Variants in PHF24 observed in about 807,000 individuals in gnomAD.
PHF24 encodes PHD finger protein 24.
A neutral mutation model predicts 42.6 loss-of-function variants in PHF24; 25 were observed. The observed-to-expected ratio is 0.59, with a 90% CI of 0.43 to 0.82. The LOEUF (loss-of-function observed/expected upper bound fraction) is 0.82. Ranked by LOEUF, PHF24 falls within the 40% of genes least tolerant of loss-of-function variation. The pLI, the probability that PHF24 is intolerant of heterozygous loss-of-function variation, is 0.00. For missense variants in PHF24, 470 were observed against 538.1 expected, an observed-to-expected ratio of 0.87 and a Z score of 1.25; for synonymous variants, 185 against 204.8, an observed-to-expected ratio of 0.90 and a Z score of 0.83.
the PHF24 span, chr9:34,918,421 AAATC>A: frequency 1.9e-6 from 1 of 532,036 alleles, no homozygotes; most frequent in Admixed American, 3.2e-5. Flanking sequence ...AAAAAAAAAA[AAATC>A]ATGGGGAATT....
the PHF24 span, among the ~76,000 whole-genome samples, chr9:34,875,032 T>C: frequency 1.3e-5 from 2 of 152,200 alleles, no homozygotes; most frequent in Non-Finnish European, 2.9e-5. Context: ...GTCACCTTAT[T>C]GTGCTATCAA....
At chr9:34,974,284 C>T (rs542294032) in intron 3 of PHF24, among the ~76,000 whole-genome samples, 1 of 152,360 alleles carries the variant, frequency 6.6e-6, no homozygotes, top group Admixed American at 6.5e-5. Context: ...CTAAGGTCAC[C>T]AGTCACCTCC....
At chr9:34,730,186 T>A in the PHF24 span, among the ~76,000 whole-genome samples, 2 of 152,254 alleles carry the variant, frequency 1.3e-5, no homozygotes, top group African/African-American at 4.8e-5. Context: ...GTTGGATGTA[T>A]GCTGTTTGCC....
chr9:34,678,619 A>C, the PHF24 span, among the ~76,000 whole-genome samples: 1 of 151,202 alleles, frequency 6.6e-6, no homozygotes, highest in East Asian at 2.0e-4. Flanking sequence ...AAGAGCCACC[A>C]TGCCTGGCTC....
At chr9:34,875,606 T>G in the PHF24 span, among the ~76,000 whole-genome samples, 1 of 152,170 alleles carries the variant, frequency 6.6e-6, no homozygotes, top group East Asian at 1.9e-4. Flanking sequence ...TCACAGTCAC[T>G]ACATAGTCAC....
chr9:34,919,956 G>A, the PHF24 span, among the ~76,000 whole-genome samples: 1 of 152,078 alleles, frequency 6.6e-6, no homozygotes, highest in Admixed American at 6.6e-5. Flanking sequence ...TCATCTGTTG[G>A]TGGACACTTA....
the PHF24 span, among the ~76,000 whole-genome samples, chr9:34,789,647 T>A: frequency 6.6e-6 from 1 of 152,200 alleles, no homozygotes; most frequent in Non-Finnish European, 1.5e-5. Flanking sequence ...AGGAAAATGA[T>A]GACTCTGTTA....
the PHF24 span, among the ~76,000 whole-genome samples, chr9:34,758,039 C>G: frequency 1.3e-5 from 2 of 152,104 alleles, no homozygotes; most frequent in Non-Finnish European, 2.9e-5. The surrounding 1 kb of genome is among the most constrained non-coding windows in gnomAD (Gnocchi z 4.4). Context: ...GGGCAGCCCA[C>G]AGGGCTATTT....
the PHF24 span, among the ~76,000 whole-genome samples, chr9:34,679,243 A>G: frequency 1.3e-5 from 2 of 152,210 alleles, no homozygotes; most frequent in African/African-American, 4.8e-5. Context: ...GTCTGTGGCC[A>G]ATTACCATGC....
the PHF24 span, among the ~76,000 whole-genome samples, chr9:34,754,465 GAATGAAAATGAA>G: frequency 5.9e-5 from 9 of 152,022 alleles, no homozygotes; most frequent in East Asian, 3.8e-4. Context: ...AAACCTATCT[GAATGAAAATGAA>G]AATGAAAATG....
chr9:34,727,035 T>C, the PHF24 span: 2 of 1,520,588 alleles, frequency 1.3e-6, no homozygotes, highest in Non-Finnish European at 1.8e-6. Context: ...GACATCTGCC[T>C]TCTTGGAAGA....
upstream of PHF24, among the ~76,000 whole-genome samples, chr9:34,954,791 T>TA (rs1826332417): frequency 6.6e-6 from 1 of 152,132 alleles, no homozygotes; most frequent in South Asian, 2.1e-4. Context: ...CAAAAACTTA[T>TA]AAGGAAAAAA....
At chr9:34,720,618 A>C in the PHF24 span, among the ~76,000 whole-genome samples, 1 of 152,052 alleles carries the variant, frequency 6.6e-6, no homozygotes, top group East Asian at 1.9e-4. Flanking sequence ...CCATCTTCTC[A>C]GGGCAGCTTC....
the PHF24 span, among the ~76,000 whole-genome samples, chr9:34,804,737 C>A: frequency 6.6e-6 from 1 of 152,142 alleles, no homozygotes; most frequent in Non-Finnish European, 1.5e-5. Context: ...CTATAGCATG[C>A]ATACCAAATC....
chr9:34,781,541 A>T, the PHF24 span, among the ~76,000 whole-genome samples: 1 of 152,216 alleles, frequency 6.6e-6, no homozygotes. Context: ...GTTGTACAAC[A>T]TTGTGAATGT....
At chr9:34,701,119 C>T in the PHF24 span, among the ~76,000 whole-genome samples, 1,331 of 152,308 alleles carry the variant, frequency 8.7e-3, 12 homozygotes, top group Non-Finnish European at 0.013. The surrounding 1 kb of genome is among the most constrained non-coding windows in gnomAD (Gnocchi z 5.8). Context: ...GCGATCAACC[C>T]ATTCAGCCCA....
the PHF24 span, among the ~76,000 whole-genome samples, chr9:34,926,644 A>G: frequency 6.6e-6 from 1 of 152,068 alleles, no homozygotes; most frequent in African/African-American, 2.4e-5. The surrounding 1 kb of genome is among the most constrained non-coding windows in gnomAD (Gnocchi z 4.3). Flanking sequence ...GGCCTGAGAC[A>G]TGGGTGCACA....
chr9:34,907,822 G>GT, the PHF24 span, among the ~76,000 whole-genome samples: 42 of 151,060 alleles, frequency 2.8e-4, no homozygotes, highest in Non-Finnish European at 5.6e-4. Flanking sequence ...TTTGTTTTTT[G>GT]TTTTTTGTTT....
At chr9:34,963,669 C>T (rs995980330) in intron 1 of PHF24, among the ~76,000 whole-genome samples, 2 of 152,194 alleles carry the variant, frequency 1.3e-5, no homozygotes, top group African/African-American at 4.8e-5. Flanking sequence ...ATACTGGCTT[C>T]TCTTTTCTTA....
Sources: allele counts gnomAD v4.1 joint callset (sites outside exome capture counted in the v4.1 genomes callset), GRCh38; gene constraint gnomAD v4.1.1; non-coding constraint Gnocchi (gnomAD v3.1); transcripts MANE v1.5; gene names NCBI Gene and HGNC (gene_info 2026-07-23, HGNC 2026-07-21).